The following GRIP1 variants were observed in gnomAD, a reference collection of about 807,000 sequenced individuals.
GRIP1 encodes glutamate receptor interacting protein 1.
Under a neutral mutation model 129.9 loss-of-function variants are expected in GRIP1, and 45 were observed. The observed-to-expected ratio is 0.35, with a 90% confidence interval of 0.27 to 0.44. The LOEUF (loss-of-function observed/expected upper bound fraction) is 0.44, where lower values mean the gene tolerates loss of function less well. Ranked by LOEUF, GRIP1 falls within the 20% of genes least tolerant of loss-of-function variation. The pLI is 1.00. For missense variants in GRIP1, 1,196 were observed against 1,396.8 expected (o/e 0.86, Z 2.29); for synonymous variants, 530 against 520.8 (o/e 1.02, Z -0.24).
At chr12:66,964,118 T>C (rs1298855680) in intron 1 of GRIP1, among the ~76,000 whole-genome samples, 1 of 152,146 alleles carries the variant, frequency 6.6e-6, no homozygotes, top group Non-Finnish European at 1.5e-5. Context: ...CAGTCCTGCT[T>C]GAGGCCACAT....
At chr12:66,976,915 T>G (rs184201581) in intron 1 of GRIP1, among the ~76,000 whole-genome samples, 48 of 152,308 alleles carry the variant, frequency 3.2e-4, no homozygotes, top group African/African-American at 1.1e-3. Flanking sequence ...AAAACTCACA[T>G]ACACACATCC....
chr12:66,811,943 T>C (rs1801126119), intron 1 of GRIP1, among the ~76,000 whole-genome samples: 1 of 152,180 alleles, frequency 6.6e-6, no homozygotes, highest in Non-Finnish European at 1.5e-5. Flanking sequence ...ATGTGATTCA[T>C]CTTTCCTGCC....
chr12:66,568,110 CA>C, intron 2 of GRIP1: 1 of 284,120 alleles, frequency 3.5e-6, no homozygotes, highest in Non-Finnish European at 7.0e-6. Context: ...TGTTCAGCTA[CA>C]AATTTTACAT....
intron 7 of GRIP1, among the ~76,000 whole-genome samples, chr12:66,512,878 T>C (rs1023248977): frequency 2.6e-5 from 4 of 152,076 alleles, no homozygotes; most frequent in African/African-American, 9.7e-5. Context: ...GGAAGACAAT[T>C]GGAATTATGT....
rs559037648 is a variant in GRIP1 at position 66,514,732 on chromosome 12, C to A, written c.724+887G>T. On this transcript the variant is annotated intron_variant, in intron 7 of 24. Transcript: ENST00000359742. ...TCTCCAGACATTTCAGGCCAGCAGACAGATTAAGAATAGTCTTGTATGACA... is the reference window on the plus strand; with the variant it reads ...TCTCCAGACATTTCAGGCCAGCAGAAAGATTAAGAATAGTCTTGTATGACA... Among the ~76,000 whole-genome samples, 8 of 152,160 alleles carry A rather than the reference C, an allele frequency of 5.3e-5. No homozygotes were observed. The East Asian group carries it at 9.7e-4, about 18-fold the overall frequency.
At chr12:66,563,040 G>C (rs914253201) in intron 2 of GRIP1, among the ~76,000 whole-genome samples, 1 of 151,878 alleles carries the variant, frequency 6.6e-6, no homozygotes, top group South Asian at 2.1e-4. Flanking sequence ...TTGCTATCTC[G>C]GGGGTGGCAG....
chr12:66,821,976 C>T (rs1050049142), intron 1 of GRIP1, among the ~76,000 whole-genome samples: 4 of 151,680 alleles, frequency 2.6e-5, no homozygotes, highest in Non-Finnish European at 5.9e-5. Context: ...AGAATAGGGG[C>T]CAAGTGATGG....
At chr12:66,503,258 G>A (rs1193347481) in intron 7 of GRIP1, among the ~76,000 whole-genome samples, 2 of 152,088 alleles carry the variant, frequency 1.3e-5, no homozygotes, top group Non-Finnish European at 2.9e-5. Context: ...ACAAAATGGT[G>A]GACTATGACT....
chr12:66,402,844 A>T (rs1206087044), intron 16 of GRIP1, among the ~76,000 whole-genome samples: 2 of 152,256 alleles, frequency 1.3e-5, no homozygotes, highest in Non-Finnish European at 2.9e-5. Flanking sequence ...GACTGTCCAA[A>T]GGGTAAATGC....
upstream of GRIP1, among the ~76,000 whole-genome samples, chr12:66,806,619 T>A (rs183458703): frequency 2.0e-5 from 3 of 152,014 alleles, no homozygotes; most frequent in East Asian, 3.9e-4. Flanking sequence ...CCCTTTTGCA[T>A]AGAACAACTT....
chr12:66,756,429 G>A (rs931446724), intron 1 of GRIP1, among the ~76,000 whole-genome samples: 3 of 152,212 alleles, frequency 2.0e-5, no homozygotes, highest in Non-Finnish European at 4.4e-5. Flanking sequence ...GTATAACTGA[G>A]CATTAACTCA....
chr12:66,651,589 A>G (rs2136144220), intron 1 of GRIP1, among the ~76,000 whole-genome samples: 1 of 152,328 alleles, frequency 6.6e-6, no homozygotes, highest in East Asian at 1.9e-4. Flanking sequence ...ATTCACTTTA[A>G]TACACCATGG....
intron 1 of GRIP1, among the ~76,000 whole-genome samples, chr12:66,852,025 T>C (rs1028163750): frequency 7.9e-5 from 12 of 152,062 alleles, no homozygotes; most frequent in Admixed American, 2.6e-4. Context: ...AGTTGTAATC[T>C]ATAAATTGAT....
At chr12:66,969,460 G>A (rs2042041512) in intron 1 of GRIP1, among the ~76,000 whole-genome samples, 1 of 152,150 alleles carries the variant, frequency 6.6e-6, no homozygotes, top group Non-Finnish European at 1.5e-5. Flanking sequence ...CAGCCAGAGT[G>A]CAGTTAATAG....
chr12:66,564,316 C>G (rs1031355303), intron 2 of GRIP1, among the ~76,000 whole-genome samples: 1 of 141,574 alleles, frequency 7.1e-6, no homozygotes, highest in Non-Finnish European at 1.5e-5. Flanking sequence ...GTGATGTTCC[C>G]TACCCTGTGT....
intron 1 of GRIP1, among the ~76,000 whole-genome samples, chr12:66,969,655 A>G (rs2042045065): frequency 6.6e-6 from 1 of 151,974 alleles, no homozygotes; most frequent in African/African-American, 2.4e-5. Context: ...GGGCTCAAGC[A>G]ATCCTCCTGC....
Position 66,600,274 on chromosome 12 carries a change from A to G in GRIP1, c.56-3347T>C, listed in dbSNP as rs767040681. On this transcript the variant is annotated intron_variant, in intron 1 of 24. Transcript: ENST00000359742. ...TGAGCCTTAAAAGAGTCACTGAATT[A>G]TAAGATCTATGTTAATAATTTTCCT... Among the ~76,000 whole-genome samples the G allele has an allele frequency of 3.3e-5, 5 of 152,218 alleles. No individual in the cohort carries two copies. In the East Asian group the frequency reaches 5.8e-4, roughly 18 times the overall value.
intron 2 of GRIP1, among the ~76,000 whole-genome samples, chr12:66,560,176 G>T (rs1032606973): frequency 6.6e-6 from 1 of 152,062 alleles, no homozygotes; most frequent in Non-Finnish European, 1.5e-5. Flanking sequence ...AATCAAAGTG[G>T]ATTAAAGAAT....
intron 1 of GRIP1, among the ~76,000 whole-genome samples, chr12:66,772,265 G>C (rs1329241728): frequency 1.3e-5 from 2 of 152,218 alleles, no homozygotes; most frequent in African/African-American, 4.8e-5. Context: ...TTTCAATAGA[G>C]AGCGATTAAG....
Sources: allele counts gnomAD v4.1 joint callset (sites outside exome capture counted in the v4.1 genomes callset), GRCh38; gene constraint gnomAD v4.1.1; transcripts MANE v1.5; gene names NCBI Gene and HGNC (gene_info 2026-07-23, HGNC 2026-07-21).